The following RASGRF2 variants were observed in gnomAD, a reference collection of about 807,000 sequenced individuals.
RASGRF2 encodes ras-specific guanine nucleotide-releasing factor 2.
RASGRF2 carries 76 observed loss-of-function variants against 151.0 expected under a neutral mutation model. That is an observed-to-expected ratio of 0.50 (90% CI 0.42 to 0.61). RASGRF2 has a LOEUF of 0.61. RASGRF2 is among the 20% of genes least tolerant of loss of function. The pLI is 0.00. For synonymous variants in RASGRF2, 504 were observed against 566.5 expected, an observed-to-expected ratio of 0.89 and a Z score of 1.57; for missense variants, 1,148 against 1,564.6, an observed-to-expected ratio of 0.73 and a Z score of 4.49.
chr5:81,096,255 T>C (rs1047071054), intron 12 of RASGRF2: 1 of 152,212 alleles, frequency 6.6e-6, no homozygotes, highest in African/African-American at 2.4e-5. Flanking sequence ...ATCCTTGTGG[T>C]GATTTATTCA....
chr5:81,091,970 G>A (rs975225901), intron 9 of RASGRF2, among the ~76,000 whole-genome samples: 23 of 152,258 alleles, frequency 1.5e-4, no homozygotes, highest in East Asian at 5.8e-4. Context: ...AGAATCAAGA[G>A]GTTGGCAAGA....
chr5:81,046,056 A>G (rs1750825523), intron 2 of RASGRF2, among the ~76,000 whole-genome samples: 1 of 152,170 alleles, frequency 6.6e-6, no homozygotes, highest in South Asian at 2.1e-4. Flanking sequence ...AATACTCAAT[A>G]TTTATGGTTT....
At position 81,171,317 on chromosome 5, in the gene RASGRF2, A is replaced by T. The variant is rs552407190; in HGVS notation, c.2687-8858A>T. 2.0e-5 allele frequency among the ~76,000 whole-genome samples: 3 copies of T among 152,288 alleles called. No homozygotes were observed. In the South Asian group the frequency reaches 6.2e-4, roughly 32 times the overall value. On this transcript the variant is annotated intron_variant, in intron 17 of 26. Transcript: ENST00000265080. ...AGAAAGAAATACAGAGGGTTTTAAA[A>T]ATCGTTATTATTTTGGTTTGTGGGG...
chr5:81,073,184 T>A lies in RASGRF2; in HGVS notation c.634-15T>A, dbSNP rs542449309. 12 of 1,603,240 alleles carry A rather than the reference T, an allele frequency of 7.5e-6. No individual in the cohort carries two copies. In the South Asian group the frequency reaches 7.8e-5, roughly 10 times the overall value. ...TGTAACTAGTCAGATTCCTTTCTGA[T>A]TTTTTGTTCTGTAGGTTCAGAGCTT... is the stretch of plus-strand genomic sequence containing the variant. On this transcript the variant is annotated splice_polypyrimidine_tract_variant and intron_variant, in intron 4 of 26. Transcript: ENST00000265080.
chr5:81,066,311 C>T (rs768370057), intron 2 of RASGRF2, among the ~76,000 whole-genome samples: 7 of 151,962 alleles, frequency 4.6e-5, no homozygotes, highest in African/African-American at 1.5e-4. Context: ...GTTGCTGACA[C>T]GGTTCTTTTC....
At chr5:81,052,599 CAG>C (rs1387656131) in intron 2 of RASGRF2, among the ~76,000 whole-genome samples, 2 of 152,092 alleles carry the variant, frequency 1.3e-5, no homozygotes, top group Admixed American at 1.3e-4. Context: ...GTGGAGGTGA[CAG>C]TGTTAGGACC....
At chr5:81,114,917 C>T (rs1753110197) in intron 15 of RASGRF2, 1 of 152,196 alleles carries the variant, frequency 6.6e-6, no homozygotes, top group African/African-American at 2.4e-5. Context: ...TCCTCTCTCC[C>T]ATCATTTTAG....
At chr5:81,097,476 A>G (rs913655614) in intron 12 of RASGRF2, among the ~76,000 whole-genome samples, 1 of 152,252 alleles carries the variant, frequency 6.6e-6, no homozygotes, top group African/African-American at 2.4e-5. Context: ...TTTGGGGAAG[A>G]CCAAAAATAA....
chr5:81,079,015 T>G (rs1752013925), intron 5 of RASGRF2, among the ~76,000 whole-genome samples: 1 of 152,196 alleles, frequency 6.6e-6, no homozygotes, highest in African/African-American at 2.4e-5. Context: ...GTGCTGACAT[T>G]GCCCCAAAGC....
At chr5:81,070,376 A>C in intron 3 of RASGRF2, 116 bp from the exon 4 acceptor site, 1 of 780,828 alleles carries the variant, frequency 1.3e-6, no homozygotes, top group Non-Finnish European at 2.2e-6. Context: ...GTGTGCATAA[A>C]AAGTGGGTGT....
rs1333343219 is a variant in RASGRF2, at chr5:81,123,552, TG to T, written c.2471-89del. 2.8e-6 allele frequency: 4 copies of T among 1,423,548 alleles called. No homozygotes were observed. The East Asian group carries it at 9.4e-5, about 33-fold the overall frequency. The allele number at this position is 1,423,548 out of a possible 1,614,324, so 88.2% of individuals were successfully genotyped here. ...GCCCTTTAATGAAATGCTTATTATC[TG>T]TAATGAACTTTTGTTTCCATGCATG... On this transcript the variant is annotated intron_variant, in intron 15 of 26. Coordinates refer to ENST00000265080, the MANE Select transcript of RASGRF2 (RefSeq NM_006909.3).
chr5:81,038,343 G>A (rs1241746217), intron 1 of RASGRF2, among the ~76,000 whole-genome samples: 3 of 152,048 alleles, frequency 2.0e-5, no homozygotes, highest in Admixed American at 2.0e-4. Context: ...TCTTTCCGGT[G>A]CTGTCTCCTT....
intron 2 of RASGRF2, among the ~76,000 whole-genome samples, chr5:81,055,210 T>A (rs562059225): frequency 7.7e-4 from 117 of 152,328 alleles, no homozygotes; most frequent in African/African-American, 2.7e-3. Flanking sequence ...GTGCCAGTTT[T>A]CAAAGGGAAT....
At chr5:81,111,481 CT>C (rs913404635) in intron 13 of RASGRF2, among the ~76,000 whole-genome samples, 2 of 151,926 alleles carry the variant, frequency 1.3e-5, no homozygotes, top group African/African-American at 4.8e-5. Flanking sequence ...ACACCCATTA[CT>C]TTTTTTTAAG....
chr5:80,969,461 T>C (rs573609693), intron 1 of RASGRF2, among the ~76,000 whole-genome samples: 146 of 147,184 alleles, frequency 9.9e-4, no homozygotes, highest in Non-Finnish European at 1.6e-3. Context: ...TTTCTTTTTT[T>C]TTTTTGAGAC....
At chr5:81,120,818 G>A (rs2112561036) in intron 15 of RASGRF2, among the ~76,000 whole-genome samples, 1 of 152,304 alleles carries the variant, frequency 6.6e-6, no homozygotes. Context: ...GGAATAGATT[G>A]GTTGTGCGGG....
At chr5:81,060,926 C>T (rs1751411192) in intron 2 of RASGRF2, among the ~76,000 whole-genome samples, 1 of 151,998 alleles carries the variant, frequency 6.6e-6, no homozygotes, top group African/African-American at 2.4e-5. Context: ...GAGTACCTTT[C>T]TCTCTGTCTC....
At chr5:81,034,092 C>G (rs1414926793) in intron 1 of RASGRF2, among the ~76,000 whole-genome samples, 1 of 152,010 alleles carries the variant, frequency 6.6e-6, no homozygotes, top group Non-Finnish European at 1.5e-5. Context: ...ATCAAAACCA[C>G]AATGAGATAC....
chr5:81,061,967 A>G (rs153246), intron 2 of RASGRF2, among the ~76,000 whole-genome samples: 101,169 of 145,110 alleles, frequency 0.7, 35,792 homozygotes, highest in Non-Finnish European at 0.77. Flanking sequence ...AGGATTACAG[A>G]CATGAGCCAC....
Sources: gnomAD v4.1 joint callset for allele counts (sites outside exome capture counted in the v4.1 genomes callset) on GRCh38, gnomAD v4.1.1 for gene constraint, MANE v1.5 for transcripts, NCBI Gene and HGNC (gene_info 2026-07-23, HGNC 2026-07-21) for gene names.